The following CAMK4 variants were observed in gnomAD, a reference collection of about 807,000 sequenced individuals.
CAMK4 encodes the protein calcium/calmodulin-dependent protein kinase type IV.
CAMK4 carries 22 observed loss-of-function variants against 44.9 expected under a neutral mutation model. The ratio of observed to expected loss-of-function variants is 0.49; its 90% CI spans 0.35 to 0.70. The LOEUF (loss-of-function observed/expected upper bound fraction) is 0.70. CAMK4 is among the 30% of genes least tolerant of loss of function. CAMK4 has a pLI of 0.01. For missense variants in CAMK4, 498 were observed against 586.8 expected, an observed-to-expected ratio of 0.85 and a Z score of 1.56; for synonymous variants, 218 against 215.4, an observed-to-expected ratio of 1.01 and a Z score of -0.11.
At chr5:111,293,989 C>T (rs913606444) in intron 1 of CAMK4, among the ~76,000 whole-genome samples, 32 of 152,136 alleles carry the variant, frequency 2.1e-4, no homozygotes, top group African/African-American at 3.9e-4. Context: ...CCTCGTGACC[C>T]GCCTGCCTCG....
chr5:111,450,888 G>A (rs1754208378), intron 7 of CAMK4, among the ~76,000 whole-genome samples: 2 of 151,976 alleles, frequency 1.3e-5, no homozygotes, highest in Non-Finnish European at 2.9e-5. Flanking sequence ...AAACATAGAA[G>A]AAGGGTGATA....
At chr5:111,273,257 T>C (rs1384676224) in intron 1 of CAMK4, among the ~76,000 whole-genome samples, 1 of 152,180 alleles carries the variant, frequency 6.6e-6, no homozygotes, top group Non-Finnish European at 1.5e-5. Flanking sequence ...TATTTAGATA[T>C]AAATGCATAA....
At chr5:111,457,987 G>C (rs1004708232) in intron 7 of CAMK4, among the ~76,000 whole-genome samples, 2 of 152,132 alleles carry the variant, frequency 1.3e-5, no homozygotes, top group Non-Finnish European at 2.9e-5. Flanking sequence ...TGACCGGCTC[G>C]TGTGCTGCAC....
At chr5:111,247,718 C>G (rs1034049947) in intron 1 of CAMK4, among the ~76,000 whole-genome samples, 5 of 151,952 alleles carry the variant, frequency 3.3e-5, no homozygotes, top group Non-Finnish European at 7.4e-5. Flanking sequence ...GAGGCCACCC[C>G]AGATAATGGA....
At chr5:111,380,324 T>G (rs1310497433) in intron 4 of CAMK4, among the ~76,000 whole-genome samples, 1 of 152,124 alleles carries the variant, frequency 6.6e-6, no homozygotes, top group African/African-American at 2.4e-5. Flanking sequence ...TTTTCTTTTT[T>G]TGTTTTATCA....
chr5:111,395,228 G>GAAAAAAAAAAAAAAAAAAAAAAAAAA (rs758613011), intron 5 of CAMK4, among the ~76,000 whole-genome samples: 1 of 114,890 alleles, frequency 8.7e-6, no homozygotes, highest in African/African-American at 3.3e-5. Context: ...AAAAAAAAAA[G>GAAAAAAAAAAAAAAAAAAAAAAAAAA]AAAAAAAAAA....
chr5:111,432,939 G>C (rs138665976), intron 5 of CAMK4, among the ~76,000 whole-genome samples: 29 of 152,112 alleles, frequency 1.9e-4, no homozygotes, highest in African/African-American at 5.8e-4. Flanking sequence ...TGCTTTCAAG[G>C]AGTGTATTTT....
At position 111,241,125 on chromosome 5, in the gene CAMK4, C is replaced by CTT. The variant is rs34428589; in HGVS notation, c.161+16494_161+16495dup. On this transcript the variant is annotated intron_variant, in intron 1 of 10. Transcript: ENST00000282356. Reference sequence around the variant, plus strand: ...TTTATTTGAATAATAATAATTATGACTTTTTTTTTTTTTTACTATTAACTA... The same window carrying CTT: ...TTTATTTGAATAATAATAATTATGACTTTTTTTTTTTTTTTTACTATTAACTA... Among the ~76,000 whole-genome samples, 8 of 142,798 alleles carry CTT rather than the reference C, an allele frequency of 5.6e-5. No homozygotes were observed. In the South Asian group the frequency reaches 9.0e-4, roughly 16 times the overall value. The allele number at this position is 142,798 out of a possible 152,430, so 93.7% of individuals were successfully genotyped here. A position where few individuals can be genotyped will look rare whatever the true frequency, so the allele number is the denominator to read the frequency against.
chr5:111,230,565 G>GA (rs34590737), intron 1 of CAMK4, among the ~76,000 whole-genome samples: 89 of 141,762 alleles, frequency 6.3e-4, no homozygotes, highest in East Asian at 1.2e-3. Context: ...GATTTTGGGG[G>GA]AAAAAAAAAA....
intron 5 of CAMK4, among the ~76,000 whole-genome samples, chr5:111,429,609 C>A (rs1753357987): frequency 1.3e-5 from 2 of 151,072 alleles, no homozygotes; most frequent in Non-Finnish European, 2.9e-5. Flanking sequence ...CCGATCTCTA[C>A]CAAAAATACA....
Position 111,465,960 on chromosome 5 carries a change from A to G in CAMK4, c.626-7351A>G, listed in dbSNP as rs537801518. On this transcript the variant is annotated intron_variant, in intron 7 of 10. Transcript: ENST00000282356. ...AAGAAAACATCCTTAACAAAATACCAGCTAACCTAATTCAACAGCATATCA... is the reference window on the plus strand; with the variant it reads ...AAGAAAACATCCTTAACAAAATACCGGCTAACCTAATTCAACAGCATATCA... Among the ~76,000 whole-genome samples the G allele has an allele frequency of 9.8e-5, 15 of 152,362 alleles. No individual in the cohort carries two copies. The South Asian group carries it at 3.1e-3, about 32-fold the overall frequency.
At position 111,486,694 on chromosome 5, in the gene CAMK4, A is replaced by C. The variant is rs1755643203; in HGVS notation, c.*2228A>C. The C allele has an allele frequency of 1.3e-5, 2 of 152,120 alleles. No individual in the cohort carries two copies. The highest frequency in any genetic ancestry group is 2.4e-5 in the African/African-American group (1 of 41,402). 9.4% of individuals were successfully genotyped at this position (152,120 alleles called of 1,614,324 possible). ...TTATTTCAACACTAGAGTAGGGCGG[A>C]CTGCATTGTTTGGCCCTGAGAACTA... is the stretch of plus-strand genomic sequence containing the variant. On this transcript the variant is annotated 3_prime_UTR_variant, in exon 11 of 11. Coordinates refer to ENST00000282356, the MANE Select transcript of CAMK4 (RefSeq NM_001744.6).
At chr5:111,449,349 A>G (rs2112977800) in intron 7 of CAMK4, 146 bp downstream of exon 7, 1 of 510,070 alleles carries the variant, frequency 2.0e-6, no homozygotes, top group East Asian at 3.3e-5. Context: ...GCATACATAA[A>G]TAATACTCAG....
chr5:111,375,514 A>G (rs1321962394), intron 3 of CAMK4, among the ~76,000 whole-genome samples: 1 of 152,146 alleles, frequency 6.6e-6, no homozygotes, highest in Non-Finnish European at 1.5e-5. Flanking sequence ...GAATTAAGCC[A>G]TCTACTTCAA....
intron 5 of CAMK4, among the ~76,000 whole-genome samples, chr5:111,441,431 C>A (rs1001834003): frequency 6.6e-6 from 1 of 152,004 alleles, no homozygotes; most frequent in African/African-American, 2.4e-5. Flanking sequence ...TATTTTTATT[C>A]CTTAAAGTTT....
chr5:111,310,109 A>G lies in CAMK4; in HGVS notation c.162-33915A>G, dbSNP rs191366294. Among the ~76,000 whole-genome samples the G allele has an allele frequency of 3.6e-3, 541 of 152,254 alleles. 1 individual carries two copies. Among genetic ancestry groups the G allele is most frequent in the Non-Finnish European group, 6.0e-3 (410 of 68,010 alleles). ...ATATATTTACCTAGGCTAACAAGGC[A>G]TATTCAACCTCGTTTTGGGGGTAGA... On this transcript the variant is annotated intron_variant, in intron 1 of 10. Transcript: ENST00000282356.
rs971376358 is a variant in CAMK4 at position 111,493,690 on chromosome 5, T to G, written c.*9224T>G. On this transcript the variant is annotated 3_prime_UTR_variant, in exon 11 of 11. Coordinates refer to ENST00000282356, the MANE Select transcript of CAMK4 (RefSeq NM_001744.6). This position sits in a 1 kb window ranked among gnomAD's most constrained non-coding sequence, Gnocchi z 4.1. ...TTTTCATCTCTCCCTTTTGTCCCTT[T>G]ACATACTGTTTTGTAAGTTCCTTTT... 2.6e-5 allele frequency: 4 copies of G among 152,262 alleles called. 1 individual carries two copies. Among genetic ancestry groups the G allele is most frequent in the Non-Finnish European group, 4.4e-5 (3 of 68,044 alleles). The allele number at this position is 152,262 out of a possible 1,614,324, so 9.4% of individuals were successfully genotyped here. A position where few individuals can be genotyped will look rare whatever the true frequency, so the allele number is the denominator to read the frequency against.
intron 1 of CAMK4, among the ~76,000 whole-genome samples, chr5:111,314,988 A>G (rs1263419345): frequency 6.6e-6 from 1 of 152,128 alleles, no homozygotes; most frequent in Non-Finnish European, 1.5e-5. Context: ...GCAAAATGAC[A>G]TGATTAAATA....
In CAMK4 at chr5:111,492,175, G is replaced by A. The variant is rs1314176218; in HGVS notation, c.*7709G>A. The A allele has an allele frequency of 2.0e-5, 3 of 151,984 alleles. No homozygotes were observed. The highest frequency in any genetic ancestry group is 4.8e-5 in the African/African-American group (2 of 41,394). 9.4% of individuals were successfully genotyped at this position (151,984 alleles called of 1,614,324 possible). A position where few individuals can be genotyped will look rare whatever the true frequency, so the allele number is the denominator to read the frequency against. ...TGACCGAGATATGGAGAAAAACATAGGCATTCATGACCTTTGTGTTTCCGT... is the reference window on the plus strand; with the variant it reads ...TGACCGAGATATGGAGAAAAACATAAGCATTCATGACCTTTGTGTTTCCGT... On this transcript the variant is annotated 3_prime_UTR_variant, in exon 11 of 11. Coordinates refer to ENST00000282356, the MANE Select transcript of CAMK4 (RefSeq NM_001744.6).
Sources: allele counts gnomAD v4.1 joint callset (sites outside exome capture counted in the v4.1 genomes callset), GRCh38; gene constraint gnomAD v4.1.1; non-coding constraint Gnocchi (gnomAD v3.1); transcripts MANE v1.5; gene names NCBI Gene and HGNC (gene_info 2026-07-23, HGNC 2026-07-21).